The following POLR1A variants were observed in gnomAD, a reference collection of about 807,000 sequenced individuals.
The protein encoded by POLR1A is RNA polymerase I subunit A, also known as DNA-directed RNA polymerase I subunit RPA1.
In POLR1A, 84 loss-of-function variants were observed where a neutral mutation model predicts 205.3. That is an observed-to-expected ratio of 0.41 (90% CI 0.34 to 0.49). POLR1A has a LOEUF of 0.49. Ranked by LOEUF, POLR1A falls within the 20% of genes least tolerant of loss-of-function variation. The pLI is 0.22. For missense variants in POLR1A, 1,645 were observed against 2,204.5 expected, an observed-to-expected ratio of 0.75 and a Z score of 5.08; for synonymous variants, 799 against 863.7, an observed-to-expected ratio of 0.93 and a Z score of 1.31.
rs774019161 is a variant in POLR1A at position 86,044,250 on chromosome 2, A to G, written c.3024T>C (p.Arg1008=). 1 of 1,614,048 alleles carries G rather than the reference A, an allele frequency of 6.2e-7. No individual in the cohort carries two copies. Among genetic ancestry groups the G allele is most frequent in the South Asian group, 1.1e-5 (1 of 91,080 alleles). The change falls in exon 22 of 34, where the codon CGT becomes CGC. Residue 1008 remains arginine, a synonymous_variant. Transcript: ENST00000263857. ...ACTGCACCACACTGCCGTCACTGTCACGGACCGTGAGATCATACTGCACGA... is the reference window on the plus strand; with the variant it reads ...ACTGCACCACACTGCCGTCACTGTCGCGGACCGTGAGATCATACTGCACGA... The part of the protein sequence containing the change: ...GLVVQYDLTV[R]DSDGSVVQFL...
Position 86,049,194 on chromosome 2 carries a change from C to G in POLR1A, c.2441G>C (p.Arg814Pro). ...GCAGTGGGTGGATTCTTCAATGATA[C>G]GTTGCCTCTTGACATCTGCCTTTGG... ...VKPKADVKRQ[R>P]IIEESTHCGP... The change falls in exon 17 of 34, where the codon CGT becomes CCT. Residue 814 changes from arginine (R) to proline (P), a missense_variant. By Grantham distance (103) the Arg-to-Pro change is moderately radical. This residue lies in a region of POLR1A where 339 missense variants were observed against 415.1 expected (regional missense o/e 0.82). Coordinates refer to ENST00000263857, the MANE Select transcript of POLR1A (RefSeq NM_015425.6). 1.2e-6 allele frequency: 2 copies of G among 1,614,004 alleles called. No homozygotes were observed. Among genetic ancestry groups the G allele is most frequent in the Non-Finnish European group, 1.7e-6 (2 of 1,179,850 alleles).
Position 86,039,477 on chromosome 2 carries a change from G to A in POLR1A, c.3741-15C>T. On this transcript the variant is annotated splice_polypyrimidine_tract_variant and intron_variant, in intron 25 of 33. Transcript: ENST00000263857. ...TCTCCCGCAACCTGTCACAGAATAA[G>A]GGCACATCCAATCATGAGTGGCAAC... 6.2e-7 allele frequency: 1 copy of A among 1,614,026 alleles called. No homozygotes were observed.
rs759570136 is a variant in POLR1A, at chr2:86,049,176, G to A, written c.2459C>T (p.Thr820Ile). Residue 820 changes from threonine (T) to isoleucine (I), a missense_variant, in exon 17 of 34, where the codon ACC (threonine) becomes ATC (isoleucine). By Grantham distance (89) the Thr-to-Ile change is moderately conservative (BLOSUM62 -1). Transcript: ENST00000263857. ...CCTCCTTACCTGGGGCCCGCAGTGGGTGGATTCTTCAATGATACGTTGCCT... is the reference window on the plus strand; with the variant it reads ...CCTCCTTACCTGGGGCCCGCAGTGGATGGATTCTTCAATGATACGTTGCCT... ...VKRQRIIEES[T>I]HCGPQAVRAA... The A allele has an allele frequency of 6.2e-7, 1 of 1,613,796 alleles. No individual in the cohort carries two copies. Among genetic ancestry groups the A allele is most frequent in the South Asian group, 1.1e-5 (1 of 91,074 alleles).
intron 3 of POLR1A, among the ~76,000 whole-genome samples, chr2:86,097,319 A>G (rs1054053372): frequency 6.6e-6 from 1 of 151,074 alleles, no homozygotes; most frequent in South Asian, 2.1e-4. Flanking sequence ...TATAGCCACT[A>G]CGGGAAACAT....
At chr2:86,100,248 A>G in intron 1 of POLR1A, 76 bp from the exon 2 acceptor site, 2 of 1,110,012 alleles carry the variant, frequency 1.8e-6, no homozygotes, top group South Asian at 2.6e-5. Flanking sequence ...GCACAAACCT[A>G]TAGTTAAGTG....
intron 31 of POLR1A, among the ~76,000 whole-genome samples, chr2:86,029,717 C>T (rs1005095284): frequency 4.0e-5 from 6 of 151,842 alleles, no homozygotes; most frequent in Non-Finnish European, 8.8e-5. Flanking sequence ...CTGCCTCAGC[C>T]TCCCAAGTAG....
In POLR1A at chr2:86,060,133, G is replaced by C. The variant is rs558734900; in HGVS notation, c.2058+5141C>G. ...ATCTACCATAGCAGTATCCAGGAGT[G>C]AATCTAATGAAAAGATGTATAAGGC... is the stretch of plus-strand genomic sequence containing the variant. On this transcript the variant is annotated intron_variant, in intron 14 of 33. Transcript: ENST00000263857. Among the ~76,000 whole-genome samples, 17 of 152,274 alleles carry C rather than the reference G, an allele frequency of 1.1e-4. No homozygotes were observed. In the South Asian group the frequency reaches 3.3e-3, roughly 30 times the overall value.
At chr2:86,071,369 C>A (rs1470769049) in intron 12 of POLR1A, among the ~76,000 whole-genome samples, 1 of 152,002 alleles carries the variant, frequency 6.6e-6, no homozygotes, top group African/African-American at 2.4e-5. Flanking sequence ...TGGCTCACTG[C>A]AGCTTCAACC....
rs764909246 is a variant in POLR1A, at chr2:86,038,723, G to A, written c.4011C>T (p.Asp1337=). 2 of 1,613,790 alleles carry A rather than the reference G, an allele frequency of 1.2e-6. No individual in the cohort carries two copies. The highest frequency in any genetic ancestry group is 1.7e-6 in the Non-Finnish European group (2 of 1,179,994). ...ACCTTGTTTCCATGAAGCGCAGGAT[G>A]TCCTCGGGTCTCAGGCACTTCTCCT... ...YQQEKCLRPE[D]ILRFMETRFF... Residue 1337 remains aspartate, a synonymous_variant, in exon 27 of 34, where the codon GAC becomes GAT. Coordinates refer to ENST00000263857, the MANE Select transcript of POLR1A (RefSeq NM_015425.6).
At chr2:86,035,518 C>T (rs150403830) in intron 27 of POLR1A, among the ~76,000 whole-genome samples, 2 of 152,286 alleles carry the variant, frequency 1.3e-5, no homozygotes, top group South Asian at 2.1e-4. Flanking sequence ...AGTGGGGGTG[C>T]GGGGCTCAGC....
At position 86,052,926 on chromosome 2, in the gene POLR1A, C is replaced by A. The variant is rs372456797; in HGVS notation, c.2283G>T (p.Leu761=). 37 of 1,609,646 alleles carry A rather than the reference C, an allele frequency of 2.3e-5. No homozygotes were observed. In the African/African-American group the frequency reaches 4.7e-4, roughly 20 times the overall value. Residue 761 remains leucine (L), a synonymous_variant, in exon 16 of 34, where the codon CTG becomes CTT. Coordinates refer to ENST00000263857, the MANE Select transcript of POLR1A (RefSeq NM_015425.6). ...CATAGATCTCATAGCAGCAGTGGAC[C>A]AGGCCGTAGGCGGAGCTCCCATAGT... is the stretch of plus-strand genomic sequence containing the variant. The part of the protein sequence containing the change: ...KAHYGSSAYG[L]VHCCYEIYGG...
intron 3 of POLR1A, among the ~76,000 whole-genome samples, chr2:86,098,315 C>T (rs1673745509): frequency 6.6e-6 from 1 of 152,124 alleles, no homozygotes; most frequent in African/African-American, 2.4e-5. Flanking sequence ...AGAGATGTAA[C>T]AATCAAAAGC....
Position 86,020,820 on chromosome 2 carries a change from C to T in POLR1A, c.*6603G>A, listed in dbSNP as rs1281416811. The T allele has an allele frequency of 1.3e-5, 2 of 152,258 alleles. No individual in the cohort carries two copies. Among genetic ancestry groups the T allele is most frequent in the Non-Finnish European group, 2.9e-5 (2 of 68,064 alleles). 9.4% of individuals were successfully genotyped at this position (152,258 alleles called of 1,614,324 possible). On this transcript the variant is annotated 3_prime_UTR_variant, in exon 34 of 34. Coordinates refer to ENST00000263857, the MANE Select transcript of POLR1A (RefSeq NM_015425.6). ...AGTAGCAACAAAAAATGTCCGCAGA[C>T]ACTGCTGAATGTCCCCTGGGGGGCA...
intron 24 of POLR1A, among the ~76,000 whole-genome samples, chr2:86,041,548 G>A (rs756346303): frequency 3.3e-4 from 50 of 152,136 alleles, no homozygotes; most frequent in South Asian, 4.1e-4. Flanking sequence ...TGGGTCACAC[G>A]GTTGGCAGCA....
At chr2:86,082,034 C>G (rs1673413008) in intron 7 of POLR1A, among the ~76,000 whole-genome samples, 1 of 151,734 alleles carries the variant, frequency 6.6e-6, no homozygotes, top group Non-Finnish European at 1.5e-5. Flanking sequence ...TGAGGTTTTG[C>G]TTGGTTGCCC....
intron 12 of POLR1A, among the ~76,000 whole-genome samples, chr2:86,073,198 CAAAAAAAAATAAAATAA>C (rs1403043857): frequency 1.5e-4 from 5 of 32,258 alleles, no homozygotes; most frequent in Non-Finnish European, 1.9e-4. Context: ...GACCTTGTCT[CAAAAAAAAATAAAATAA>C]AAAAAAAAAA....
chr2:86,049,720 T>C (rs918918465), intron 16 of POLR1A, among the ~76,000 whole-genome samples: 1 of 152,110 alleles, frequency 6.6e-6, no homozygotes, highest in Admixed American at 6.5e-5. Context: ...AGTATACCTG[T>C]GTAGGCACAC....
chr2:86,042,702 C>T (rs1004734165), intron 23 of POLR1A, among the ~76,000 whole-genome samples: 30 of 152,214 alleles, frequency 2.0e-4, no homozygotes, highest in Admixed American at 1.9e-3. Flanking sequence ...TCGTCCTCTC[C>T]GTTTCTCATG....
At chr2:86,087,187 CTAT>C (rs538628250) in intron 6 of POLR1A, among the ~76,000 whole-genome samples, 7 of 152,164 alleles carry the variant, frequency 4.6e-5, no homozygotes, top group Non-Finnish European at 1.0e-4. Context: ...ATTCTCTGTA[CTAT>C]GTTTACTACT....
Sources: gnomAD v4.1 joint callset for allele counts (sites outside exome capture counted in the v4.1 genomes callset) on GRCh38, gnomAD v4.1.1 for gene constraint, gnomAD v4.1.1 regional missense constraint, MANE v1.5 for transcripts, NCBI Gene and HGNC (gene_info 2026-07-23, HGNC 2026-07-21) for gene names.